PRELID2: variants seen among roughly 807,000 people sequenced by gnomAD.
The protein encoded by PRELID2 is PRELI domain-containing protein 2.
PRELID2 carries 25 observed loss-of-function variants against 28.4 expected under a neutral mutation model. That is an observed-to-expected ratio of 0.88 (90% confidence interval 0.64 to 1.23). PRELID2 has a LOEUF of 1.23. Ranked by LOEUF, PRELID2 falls within the 50% of genes most tolerant of loss-of-function variation. The probability of loss-of-function intolerance (pLI) is 0.00; values close to 1 mark genes in which losing one functional copy is unlikely to be tolerated. For synonymous variants in PRELID2, 76 were observed against 71.6 expected (o/e 1.06, Z -0.31); for missense variants, 201 against 214.4 (o/e 0.94, Z 0.39).
At chr5:145,571,418 T>C (rs1477905894) in intron 1 of PRELID2, among the ~76,000 whole-genome samples, 1 of 152,178 alleles carries the variant, frequency 6.6e-6, no homozygotes, top group Admixed American at 6.5e-5. Flanking sequence ...ACAGAGACCT[T>C]AAGACTTTTT....
intron 1 of PRELID2, among the ~76,000 whole-genome samples, chr5:145,540,574 A>G (rs1752737423): frequency 6.6e-6 from 1 of 151,850 alleles, no homozygotes; most frequent in Non-Finnish European, 1.5e-5. Flanking sequence ...AACTACCAAG[A>G]TACAGGAAAT....
rs925485708 is a variant in PRELID2 at position 145,646,899 on chromosome 5, C to T, written n.70+118032G>A. On this transcript the variant is annotated intron_variant and non_coding_transcript_variant, in intron 1 of 2. Coordinates refer to the PRELID2 transcript ENST00000510259. Reference sequence around the variant, plus strand: ...TGTTCCTTCCTCTGGAAGCTTTGTCCGGAATGGCACCTGCCAGATGCCGGC... The same window carrying T: ...TGTTCCTTCCTCTGGAAGCTTTGTCTGGAATGGCACCTGCCAGATGCCGGC... 3.9e-5 allele frequency among the ~76,000 whole-genome samples: 6 copies of T among 152,238 alleles called. No homozygotes were observed. In the East Asian group the frequency reaches 5.8e-4, roughly 15 times the overall value.
chr5:145,288,246 C>G, the PRELID2 span, among the ~76,000 whole-genome samples: 1,657 of 152,088 alleles, frequency 0.011, 35 homozygotes, highest in African/African-American at 0.038. Context: ...GTGGATTCAC[C>G]CCCAATAGAG....
chr5:145,279,386 C>A, the PRELID2 span, among the ~76,000 whole-genome samples: 4 of 152,052 alleles, frequency 2.6e-5, no homozygotes, highest in Non-Finnish European at 2.9e-5. Context: ...TATGAACAAG[C>A]CCTTTTGTTC....
intron 4 of PRELID2, among the ~76,000 whole-genome samples, chr5:145,815,119 G>A (rs1310928998): frequency 2.0e-5 from 3 of 152,118 alleles, no homozygotes; most frequent in Non-Finnish European, 4.4e-5. Flanking sequence ...CTGCATTTTG[G>A]GATTGGTGTC....
At chr5:145,367,085 C>T in the PRELID2 span, among the ~76,000 whole-genome samples, 1 of 151,804 alleles carries the variant, frequency 6.6e-6, no homozygotes, top group Non-Finnish European at 1.5e-5. Context: ...CAAAGCTTTC[C>T]TCTAGATGTT....
chr5:145,516,801 T>C (rs112650482), intron 1 of PRELID2, among the ~76,000 whole-genome samples: 32,720 of 151,936 alleles, frequency 0.22, 4,018 homozygotes, highest in South Asian at 0.37. Context: ...TATAGACCAA[T>C]GGAACAGAAC....
chr5:145,476,949 A>G (rs1752107749), intron 1 of PRELID2, among the ~76,000 whole-genome samples: 1 of 152,240 alleles, frequency 6.6e-6, no homozygotes, highest in South Asian at 2.1e-4. Context: ...TAATTCGTTA[A>G]TAATTAATAG....
At chr5:145,786,578 C>T (rs1030900396) in intron 5 of PRELID2, among the ~76,000 whole-genome samples, 13 of 152,318 alleles carry the variant, frequency 8.5e-5, no homozygotes, top group Admixed American at 5.9e-4. Context: ...ACCTTGATTA[C>T]ATCCCTGTGA....
the PRELID2 span, among the ~76,000 whole-genome samples, chr5:145,372,115 A>G: frequency 6.6e-6 from 1 of 151,908 alleles, no homozygotes; most frequent in African/African-American, 2.4e-5. Context: ...ACACTGCTTT[A>G]GGGTGTCCCA....
the PRELID2 span, among the ~76,000 whole-genome samples, chr5:145,242,405 C>T: frequency 6.6e-6 from 1 of 152,038 alleles, no homozygotes; most frequent in East Asian, 1.9e-4. Flanking sequence ...TTGCATCATG[C>T]TCCACAATGA....
chr5:145,642,803 T>A (rs1312402497), intron 1 of PRELID2, among the ~76,000 whole-genome samples: 1 of 152,224 alleles, frequency 6.6e-6, no homozygotes, highest in Admixed American at 6.5e-5. Flanking sequence ...TTGTGTCAGG[T>A]TTGTCAAAGA....
At chr5:145,277,869 C>T in the PRELID2 span, among the ~76,000 whole-genome samples, 1 of 152,142 alleles carries the variant, frequency 6.6e-6, no homozygotes, top group Non-Finnish European at 1.5e-5. Flanking sequence ...CACATACCTT[C>T]CCTCTAGGCC....
chr5:145,578,724 G>C (rs572545871), intron 1 of PRELID2, among the ~76,000 whole-genome samples: 67 of 152,182 alleles, frequency 4.4e-4, no homozygotes, highest in African/African-American at 1.6e-3. Context: ...TGCAGACTGG[G>C]AATTAGTCTT....
intron 1 of PRELID2, chr5:145,704,086 T>C (rs1433331787): frequency 6.6e-6 from 1 of 152,148 alleles, no homozygotes; most frequent in African/African-American, 2.4e-5. Flanking sequence ...GCTGTAACCA[T>C]TGCTAATCGA....
the PRELID2 span, among the ~76,000 whole-genome samples, chr5:145,445,301 G>A: frequency 2.6e-5 from 4 of 152,122 alleles, no homozygotes; most frequent in South Asian, 2.1e-4. Context: ...TTCAATAAAC[G>A]GTGCTGAGAA....
At chr5:145,576,706 A>G (rs1487372268) in intron 1 of PRELID2, among the ~76,000 whole-genome samples, 6 of 152,042 alleles carry the variant, frequency 3.9e-5, no homozygotes, top group Admixed American at 6.6e-5. Context: ...AGTTTGTTAA[A>G]TTGTACAAAA....
chr5:145,269,530 C>A, the PRELID2 span, among the ~76,000 whole-genome samples: 1 of 151,766 alleles, frequency 6.6e-6, no homozygotes, highest in Non-Finnish European at 1.5e-5. Flanking sequence ...AACTATAAAG[C>A]TTCTAGAAGA....
chr5:145,579,250 A>C (rs1485952319), intron 1 of PRELID2, among the ~76,000 whole-genome samples: 2 of 152,104 alleles, frequency 1.3e-5, no homozygotes, highest in Non-Finnish European at 2.9e-5. Context: ...ACTAATTGAT[A>C]ATTTAGAAAC....
Sources: gnomAD v4.1 joint callset for allele counts (sites outside exome capture counted in the v4.1 genomes callset) on GRCh38, gnomAD v4.1.1 for gene constraint, MANE v1.5 for transcripts, NCBI Gene and HGNC (gene_info 2026-07-23, HGNC 2026-07-21) for gene names.